Variants in LRRC31 observed in about 807,000 individuals in gnomAD.
LRRC31 encodes leucine-rich repeat-containing protein 31.
A neutral mutation model predicts 46.7 loss-of-function variants in LRRC31; 35 were observed. The ratio of observed to expected loss-of-function variants is 0.75; its 90% confidence interval spans 0.57 to 0.99. The LOEUF (loss-of-function observed/expected upper bound fraction) is 0.99. LRRC31 is among the 50% of genes least tolerant of loss of function. The pLI is 0.00. For synonymous variants in LRRC31, 236 were observed against 235.1 expected (o/e 1.00, Z -0.03); for missense variants, 613 against 626.1 (o/e 0.98, Z 0.22).
intron 6 of LRRC31, among the ~76,000 whole-genome samples, chr3:169,852,166 A>C (rs1240240796): frequency 1.3e-5 from 2 of 151,322 alleles, no homozygotes; most frequent in African/African-American, 4.9e-5. Flanking sequence ...TGGGAGGCTG[A>C]GGCGGGTGGA....
intron 8 of LRRC31, among the ~76,000 whole-genome samples, chr3:169,845,362 T>C (rs903334340): frequency 6.6e-6 from 1 of 152,222 alleles, no homozygotes; most frequent in Admixed American, 6.5e-5. Flanking sequence ...GACAATCTGA[T>C]GCTAGCTTTA....
intron 3 of LRRC31, among the ~76,000 whole-genome samples, chr3:169,860,298 G>A (rs192345787): frequency 1.2e-3 from 179 of 150,648 alleles, no homozygotes; most frequent in Middle Eastern, 0.01. Context: ...CACGATCTCG[G>A]CTCACTGCAA....
chr3:169,840,473 A>G lies in LRRC31; in HGVS notation c.1328-160T>C. 4 of 781,050 alleles carry G rather than the reference A, an allele frequency of 5.1e-6. No homozygotes were observed. The Admixed American group carries it at 6.4e-5, about 12-fold the overall frequency. The allele number at this position is 781,050 out of a possible 1,614,324, so 48.4% of individuals were successfully genotyped here. On this transcript the variant is annotated intron_variant, in intron 8 of 8. Transcript: ENST00000316428. ...TTTATTCAGGACATCTGAAATTAGT[A>G]ACAGATTTCCTCTCTGTACATCCCA...
rs1182797959 is a variant in LRRC31, at chr3:169,869,764, T to A, written c.44A>T (p.Lys15Met). The change falls in exon 1 of 9, where the codon AAG (lysine) becomes ATG (methionine). Residue 15 changes from lysine to methionine, a missense_variant. Lys to Met is a moderately conservative substitution (Grantham distance 95, BLOSUM62 -1). Transcript: ENST00000316428. ...RKKTSSEGET[K>M]PQTSTVNKFL... is the part of the protein sequence containing the mutation. ...TTTGTTGACAGTTGAAGTCTGGGGC[T>A]TAGTTTCTCCTTCTGAGGAAGTTTT... is the stretch of plus-strand genomic sequence containing the variant. 6.2e-7 allele frequency: 1 copy of A among 1,613,162 alleles called. No homozygotes were observed. Among genetic ancestry groups the A allele is most frequent in the South Asian group, 1.1e-5 (1 of 90,504 alleles).
At chr3:169,857,341 T>C (rs1272473071) in intron 3 of LRRC31, among the ~76,000 whole-genome samples, 3 of 110,116 alleles carry the variant, frequency 2.7e-5, no homozygotes, top group African/African-American at 1.0e-4. Context: ...TATATATATA[T>C]ATATACACAC....
Position 169,869,830 on chromosome 3 carries a change from C to T in LRRC31, c.-23G>A. 1 of 1,577,266 alleles carries T rather than the reference C, an allele frequency of 6.3e-7. No homozygotes were observed. The highest frequency in any genetic ancestry group is 8.6e-7 in the Non-Finnish European group (1 of 1,162,272). On this transcript the variant is annotated 5_prime_UTR_variant, in exon 1 of 9. Transcript: ENST00000316428. ...CATGGTGAAGTTGATGGGGGTAGTT[C>T]CCAATAAGACATCTTCCTGTTGCTT... is the stretch of plus-strand genomic sequence containing the variant.
intron 3 of LRRC31, 33 bp downstream of exon 3, chr3:169,860,528 G>C (rs753523596): frequency 6.2e-7 from 1 of 1,611,418 alleles, no homozygotes; most frequent in Non-Finnish European, 8.5e-7. Context: ...GCGCCCGGCC[G>C]AATCCATCTT....
chr3:169,868,275 A>G (rs145210632), intron 1 of LRRC31, among the ~76,000 whole-genome samples: 3 of 152,300 alleles, frequency 2.0e-5, no homozygotes, highest in African/African-American at 7.2e-5. Context: ...CTTTGCATGT[A>G]CAGTCTCTTT....
chr3:169,860,136 T>C (rs1400402950), intron 3 of LRRC31, among the ~76,000 whole-genome samples: 1 of 151,568 alleles, frequency 6.6e-6, no homozygotes, highest in Non-Finnish European at 1.5e-5. Context: ...AGAGTGAGCC[T>C]CCATCTCAAA....
intron 8 of LRRC31, among the ~76,000 whole-genome samples, chr3:169,841,670 C>T (rs762727778): frequency 2.0e-5 from 3 of 152,186 alleles, no homozygotes; most frequent in Middle Eastern, 3.2e-3. Context: ...CCACCATGTA[C>T]CCATCATTCA....
intron 8 of LRRC31, among the ~76,000 whole-genome samples, chr3:169,844,888 T>C (rs9872820): frequency 0.016 from 2,274 of 144,676 alleles, 66 homozygotes; most frequent in African/African-American, 0.056. Flanking sequence ...GCCGAGATCA[T>C]GCCACTGCAC....
Position 169,851,641 on chromosome 3 carries a change from C to T in LRRC31, c.1137G>A (p.Glu379=), listed in dbSNP as rs1268582046. 6.2e-7 allele frequency: 1 copy of T among 1,614,118 alleles called. No individual in the cohort carries two copies. The highest frequency in any genetic ancestry group is 1.6e-4 in the Middle Eastern group (1 of 6,062). ...TACCAAGAGCTGTAAAAGTCTCACT[C>T]TCCAAAGCACAGTTGTTGATAACTA... is the stretch of plus-strand genomic sequence containing the variant. ...KSLVINNCAL[E]SETFTALAEA... The change falls in exon 7 of 9, where the codon GAG becomes GAA. Residue 379 remains glutamate, a synonymous_variant. Transcript: ENST00000316428.
At chr3:169,848,659 A>G (rs1302715706) in intron 7 of LRRC31, among the ~76,000 whole-genome samples, 2 of 152,084 alleles carry the variant, frequency 1.3e-5, no homozygotes, top group East Asian at 3.9e-4. Context: ...CTGTTTCACC[A>G]TGTTGCCCAG....
intron 8 of LRRC31, among the ~76,000 whole-genome samples, chr3:169,844,674 C>A (rs967616709): frequency 1.3e-5 from 2 of 152,142 alleles, no homozygotes; most frequent in Non-Finnish European, 2.9e-5. Context: ...TGGCTCACGC[C>A]TGTAATCCCA....
intron 1 of LRRC31, among the ~76,000 whole-genome samples, chr3:169,862,564 C>T (rs1781200174): frequency 6.6e-6 from 1 of 151,946 alleles, no homozygotes. Flanking sequence ...AGATCAACAC[C>T]ATCCTGGCCA....
chr3:169,856,564 C>G, intron 4 of LRRC31, 61 bp from the exon 5 acceptor site: 3 of 1,424,824 alleles, frequency 2.1e-6, no homozygotes, highest in Non-Finnish European at 2.8e-6. Flanking sequence ...TTTTACATCA[C>G]CTGGGGATAT....
chr3:169,852,402 CAAAAAAA>C (rs11344242), intron 6 of LRRC31, among the ~76,000 whole-genome samples: 1 of 88,484 alleles, frequency 1.1e-5, no homozygotes. Flanking sequence ...GACTCCGTCT[CAAAAAAA>C]AAAAAAAAAA....
chr3:169,843,933 TTCTA>T (rs1780524320), intron 8 of LRRC31, among the ~76,000 whole-genome samples: 1 of 152,258 alleles, frequency 6.6e-6, no homozygotes, highest in African/African-American at 2.4e-5. Context: ...TCTATTTTTT[TTCTA>T]TCTCTATTTT....
chr3:169,851,831 A>C, intron 6 of LRRC31, 45 bp from the exon 7 acceptor site: 1 of 1,590,966 alleles, frequency 6.3e-7, no homozygotes, highest in Non-Finnish European at 8.6e-7. Context: ...ACCATCTCAC[A>C]GGGAGTCTTC....
Sources: gnomAD v4.1 joint callset for allele counts (sites outside exome capture counted in the v4.1 genomes callset) on GRCh38, gnomAD v4.1.1 for gene constraint, MANE v1.5 for transcripts, NCBI Gene and HGNC (gene_info 2026-07-23, HGNC 2026-07-21) for gene names.